The following COG5 variants were observed in gnomAD, a reference collection of about 807,000 sequenced individuals.
COG5 encodes conserved oligomeric Golgi complex subunit 5.
A neutral mutation model predicts 110.4 loss-of-function variants in COG5; 86 were observed. The ratio of observed to expected loss-of-function variants is 0.78; its 90% CI spans 0.65 to 0.93. The LOEUF (loss-of-function observed/expected upper bound fraction) is 0.93. COG5 is among the 40% of genes least tolerant of loss of function. The probability of loss-of-function intolerance (pLI) is 0.00; values close to 1 mark genes in which losing one functional copy is unlikely to be tolerated. For synonymous variants in COG5, 360 were observed against 334.6 expected (o/e 1.08, Z -0.83); for missense variants, 1,077 against 987.0 (o/e 1.09, Z -1.22).
chr7:107,243,824 A>C (rs1801843988), intron 17 of COG5, among the ~76,000 whole-genome samples: 1 of 152,232 alleles, frequency 6.6e-6, no homozygotes, highest in Admixed American at 6.5e-5. Flanking sequence ...ACACACTCTC[A>C]GACCACAATA....
intron 12 of COG5, among the ~76,000 whole-genome samples, chr7:107,293,161 T>C (rs1003532910): frequency 6.6e-6 from 1 of 152,118 alleles, no homozygotes; most frequent in Non-Finnish European, 1.5e-5. Context: ...GAATCACTAT[T>C]TCAAAAGCCC....
chr7:107,249,690 T>TTGTGTGTGTG (rs57572752), intron 16 of COG5, among the ~76,000 whole-genome samples: 15 of 131,758 alleles, frequency 1.1e-4, no homozygotes, highest in South Asian at 2.7e-4. Flanking sequence ...ACGTACAGGA[T>TTGTGTGTGTG]TGTGTGTGTG....
At chr7:107,499,941 C>T (rs547408940) in intron 6 of COG5, among the ~76,000 whole-genome samples, 6 of 152,182 alleles carry the variant, frequency 3.9e-5, no homozygotes, top group African/African-American at 7.2e-5. Flanking sequence ...CGCATGTCCA[C>T]GTTTAAACCA....
At chr7:107,451,909 T>C (rs1795363773) in intron 6 of COG5, among the ~76,000 whole-genome samples, 1 of 152,148 alleles carries the variant, frequency 6.6e-6, no homozygotes, top group African/African-American at 2.4e-5. Context: ...TCAAAAGTTA[T>C]ACATGGATTT....
chr7:107,396,518 G>C (rs1283964251), intron 7 of COG5, among the ~76,000 whole-genome samples: 1 of 120,388 alleles, frequency 8.3e-6, no homozygotes, highest in East Asian at 3.0e-4. Context: ...TATATAGAAA[G>C]GCCAGGGGGG....
At chr7:107,440,204 T>C (rs1275623925) in intron 6 of COG5, among the ~76,000 whole-genome samples, 2 of 152,194 alleles carry the variant, frequency 1.3e-5, no homozygotes, top group African/African-American at 2.4e-5. Context: ...AATTTGGTTG[T>C]TGTATCGCTA....
chr7:107,238,647 G>A (rs756525606), intron 17 of COG5, among the ~76,000 whole-genome samples: 37 of 152,024 alleles, frequency 2.4e-4, no homozygotes, highest in African/African-American at 7.7e-4. Context: ...TCTGTACATC[G>A]TCTTTCACAC....
At chr7:107,252,461 A>C (rs1042083052) in intron 16 of COG5, among the ~76,000 whole-genome samples, 3 of 152,148 alleles carry the variant, frequency 2.0e-5, no homozygotes, top group African/African-American at 7.2e-5. Context: ...GAATTCTACT[A>C]AACACTTGAG....
chr7:107,563,233 C>G (rs1804058592), intron 1 of COG5, among the ~76,000 whole-genome samples: 2 of 152,006 alleles, frequency 1.3e-5, no homozygotes, highest in African/African-American at 4.8e-5. Flanking sequence ...AATGGTTAAT[C>G]CCAACCTGAA....
At chr7:107,344,209 T>C (rs1381063243) in intron 10 of COG5, among the ~76,000 whole-genome samples, 4 of 152,248 alleles carry the variant, frequency 2.6e-5, no homozygotes, top group Non-Finnish European at 4.4e-5. Context: ...GTGATTTTAG[T>C]GTAGCTACCT....
chr7:107,339,184 T>C (rs1810970745), intron 10 of COG5, among the ~76,000 whole-genome samples: 1 of 151,988 alleles, frequency 6.6e-6, no homozygotes, highest in Non-Finnish European at 1.5e-5. Flanking sequence ...TGGAGAAAGA[T>C]CACACAAATG....
intron 6 of COG5, among the ~76,000 whole-genome samples, chr7:107,452,838 T>A (rs1795425405): frequency 6.6e-6 from 1 of 152,200 alleles, no homozygotes; most frequent in Non-Finnish European, 1.5e-5. Context: ...TGATACACTT[T>A]CACCAATCTG....
chr7:107,390,765 A>G (rs556791981), intron 7 of COG5, among the ~76,000 whole-genome samples: 24 of 148,842 alleles, frequency 1.6e-4, no homozygotes, highest in Non-Finnish European at 2.7e-4. Flanking sequence ...CAAAGCCAGA[A>G]TAAGAGCAAC....
At chr7:107,211,804 G>T (rs1799196817) in intron 19 of COG5, among the ~76,000 whole-genome samples, 1 of 152,138 alleles carries the variant, frequency 6.6e-6, no homozygotes, top group Non-Finnish European at 1.5e-5. Flanking sequence ...TTTTACAGAA[G>T]GAGCAAGCAG....
At chr7:107,243,012 A>AC (rs113483003) in intron 17 of COG5, among the ~76,000 whole-genome samples, 23,804 of 152,244 alleles carry the variant, frequency 0.16, 2,322 homozygotes, top group Non-Finnish European at 0.22. Flanking sequence ...AGGAAAATAT[A>AC]CCAAGCAAAC....
chr7:107,443,818 C>A (rs933665692), intron 6 of COG5, among the ~76,000 whole-genome samples: 19 of 152,272 alleles, frequency 1.2e-4, no homozygotes, highest in African/African-American at 4.3e-4. Flanking sequence ...CTCACAGTCT[C>A]TCCTACAGCC....
chr7:107,407,207 C>G (rs1023011947), intron 7 of COG5, among the ~76,000 whole-genome samples: 1 of 152,034 alleles, frequency 6.6e-6, no homozygotes, highest in African/African-American at 2.4e-5. Context: ...CATGGCGAAA[C>G]CCCGTCTCTA....
chr7:107,552,956 A>G (rs991169356), intron 3 of COG5, among the ~76,000 whole-genome samples: 6 of 152,224 alleles, frequency 3.9e-5, no homozygotes, highest in East Asian at 1.9e-4. Context: ...TATGTCCTAT[A>G]TAGCAATATG....
At position 107,236,638 on chromosome 7, in the gene COG5, T is replaced by A; in HGVS notation, c.1903A>T (p.Lys635Ter). ...KPDVPCSLYMKELQGFIARVM... is the reference protein window; with the variant it reads ...KPDVPCSLYM Reference sequence around the variant, plus strand: ...CTGGCAATGAAACCTTGTAGCTCCTTCATGTACAGAGAACAAGGAACATCA... The same window carrying A: ...CTGGCAATGAAACCTTGTAGCTCCTACATGTACAGAGAACAAGGAACATCA... The change falls in exon 18 of 22, where the codon AAG becomes TAG. Residue 635 changes from lysine to a stop codon, truncating the protein, a stop_gained. Coordinates refer to ENST00000297135, the MANE Select transcript of COG5 (RefSeq NM_006348.5). LOFTEE classifies it high-confidence loss of function. 2 of 1,614,034 alleles carry A rather than the reference T, an allele frequency of 1.2e-6. No homozygotes were observed. Among genetic ancestry groups the A allele is most frequent in the Non-Finnish European group, 8.5e-7 (1 of 1,179,966 alleles).
Sources: gnomAD v4.1 joint callset for allele counts (sites outside exome capture counted in the v4.1 genomes callset) on GRCh38, gnomAD v4.1.1 for gene constraint, MANE v1.5 for transcripts, NCBI Gene and HGNC (gene_info 2026-07-23, HGNC 2026-07-21) for gene names.